The following DCDC2 variants were observed in gnomAD, a reference collection of about 807,000 sequenced individuals.
DCDC2 encodes doublecortin domain containing 2.
Under a neutral mutation model 50.2 loss-of-function variants are expected in DCDC2, and 40 were observed. That is an observed-to-expected ratio of 0.80 (90% confidence interval 0.62 to 1.04). DCDC2 has a LOEUF of 1.04. Ranked by LOEUF, DCDC2 falls within the 50% of genes least tolerant of loss-of-function variation. DCDC2 has a pLI of 0.00. For missense variants in DCDC2, 570 were observed against 581.9 expected (o/e 0.98, Z 0.21); for synonymous variants, 234 against 210.6 (o/e 1.11, Z -0.96).
rs539157883 is a variant in DCDC2, at chr6:24,199,749, G to A, written c.1023+5253C>T. On this transcript the variant is annotated intron_variant, in intron 8 of 9. Transcript: ENST00000378454. ...GGAGCATGTTCTAACCCAATGCAAG[G>A]AAGCTAATAAGCTTGAAAAAAGGTT... is the stretch of plus-strand genomic sequence containing the variant. Among the ~76,000 whole-genome samples the A allele has an allele frequency of 3.3e-5, 5 of 152,242 alleles. No individual in the cohort carries two copies. In the South Asian group the frequency reaches 6.2e-4, roughly 19 times the overall value.
At chr6:24,222,135 A>T (rs893705599) in intron 7 of DCDC2, among the ~76,000 whole-genome samples, 2 of 152,210 alleles carry the variant, frequency 1.3e-5, no homozygotes, top group Non-Finnish European at 2.9e-5. Flanking sequence ...TCTTTACAAT[A>T]AATCACAACT....
chr6:24,289,968 CTTCTTTTTTTTTTT>C (rs1561760469), intron 5 of DCDC2, among the ~76,000 whole-genome samples: 8 of 100,824 alleles, frequency 7.9e-5, no homozygotes, highest in African/African-American at 2.6e-4. Flanking sequence ...GGCCAGAGCT[CTTCTTTTTTTTTTT>C]TTTTTTTTTT....
chr6:24,212,376 A>G (rs1761892159), intron 7 of DCDC2, among the ~76,000 whole-genome samples: 1 of 152,130 alleles, frequency 6.6e-6, no homozygotes, highest in Non-Finnish European at 1.5e-5. Context: ...TCCTCCTGCC[A>G]AAAAGACAGT....
rs1760507353 is a variant in DCDC2, at chr6:24,357,812, A to G, written c.-62T>C. The G allele has an allele frequency of 6.2e-7, 1 of 1,607,834 alleles. No individual in the cohort carries two copies. Among genetic ancestry groups the G allele is most frequent in the South Asian group, 1.1e-5 (1 of 90,714 alleles). ...CGTCGGGAGGCACCTCCGCTGTCCCAGCGGCCTCACCGCACCCAGGGCGCG... is the reference window on the plus strand; with the variant it reads ...CGTCGGGAGGCACCTCCGCTGTCCCGGCGGCCTCACCGCACCCAGGGCGCG... On this transcript the variant is annotated 5_prime_UTR_variant, in exon 1 of 10. Transcript: ENST00000378454.
intron 7 of DCDC2, among the ~76,000 whole-genome samples, chr6:24,211,020 G>C (rs188619970): frequency 9.9e-5 from 15 of 152,250 alleles, no homozygotes; most frequent in Middle Eastern, 3.4e-3. Flanking sequence ...AACCCTCCTT[G>C]TTCCAATTCC....
intron 7 of DCDC2, among the ~76,000 whole-genome samples, chr6:24,266,017 C>A (rs1023337795): frequency 2.6e-5 from 4 of 151,674 alleles, no homozygotes; most frequent in Non-Finnish European, 5.9e-5. Context: ...TGCAACAGAA[C>A]AGAGAACCCA....
intron 8 of DCDC2, among the ~76,000 whole-genome samples, chr6:24,186,827 A>G (rs879886022): frequency 5.3e-5 from 8 of 152,146 alleles, no homozygotes; most frequent in Non-Finnish European, 1.0e-4. Flanking sequence ...TATTATGTCG[A>G]AGTCTTAACC....
At chr6:24,222,339 A>C (rs1367713463) in intron 7 of DCDC2, among the ~76,000 whole-genome samples, 1 of 152,224 alleles carries the variant, frequency 6.6e-6, no homozygotes, top group African/African-American at 2.4e-5. Flanking sequence ...TTTACCTGTG[A>C]GCTTTTCTTT....
chr6:24,345,925 A>G (rs1760245573), intron 2 of DCDC2, among the ~76,000 whole-genome samples: 1 of 152,154 alleles, frequency 6.6e-6, no homozygotes, highest in Non-Finnish European at 1.5e-5. Context: ...CACACCTGTA[A>G]TCCCAGCACT....
chr6:24,308,063 C>A (rs1333734307), intron 2 of DCDC2, among the ~76,000 whole-genome samples: 1 of 152,162 alleles, frequency 6.6e-6, no homozygotes, highest in East Asian at 1.9e-4. Flanking sequence ...CCAAGGAAAC[C>A]CAGATGCAGA....
intron 7 of DCDC2, among the ~76,000 whole-genome samples, chr6:24,251,837 T>C (rs565924034): frequency 6.6e-6 from 1 of 152,348 alleles, no homozygotes; most frequent in South Asian, 2.1e-4. Flanking sequence ...ACTGGACTCT[T>C]TCCAATTATA....
chr6:24,324,492 G>A (rs919308763), intron 2 of DCDC2, among the ~76,000 whole-genome samples: 1 of 152,148 alleles, frequency 6.6e-6, no homozygotes, highest in African/African-American at 2.4e-5. Flanking sequence ...ATATTTGTTA[G>A]CAAGAAAATC....
rs988316765 is a variant in DCDC2, at chr6:24,174,097, G to C, written c.*633C>G. 1.3e-5 allele frequency: 2 copies of C among 152,228 alleles called. No individual in the cohort carries two copies. The highest frequency in any genetic ancestry group is 4.8e-5 in the African/African-American group (2 of 41,444). The allele number at this position is 152,228 out of a possible 1,614,324, so 9.4% of individuals were successfully genotyped here. On this transcript the variant is annotated 3_prime_UTR_variant, in exon 10 of 10. Coordinates refer to ENST00000378454, the MANE Select transcript of DCDC2 (RefSeq NM_016356.5). ...AGCATGCAAGCCTGAAAGCATTTAA[G>C]TGACGGCATGGCGATACTAGTCACT...
intron 4 of DCDC2, among the ~76,000 whole-genome samples, chr6:24,300,366 A>T (rs1759346364): frequency 6.6e-6 from 1 of 152,248 alleles, no homozygotes; most frequent in African/African-American, 2.4e-5. Flanking sequence ...TGGGTGACAC[A>T]GCGAGACCCT....
intron 1 of DCDC2, among the ~76,000 whole-genome samples, chr6:24,356,110 A>G (rs1760462561): frequency 6.6e-6 from 1 of 152,228 alleles, no homozygotes; most frequent in South Asian, 2.1e-4. Flanking sequence ...AAATATTCAT[A>G]GATGCATTAT....
At chr6:24,321,446 G>C (rs1334279593) in intron 2 of DCDC2, among the ~76,000 whole-genome samples, 1 of 152,156 alleles carries the variant, frequency 6.6e-6, no homozygotes. Context: ...AGTCTCACCA[G>C]TAATATGACA....
intron 8 of DCDC2, among the ~76,000 whole-genome samples, chr6:24,197,372 TAAGGCTATG>T (rs1761468180): frequency 6.6e-6 from 1 of 152,244 alleles, no homozygotes; most frequent in African/African-American, 2.4e-5. Flanking sequence ...CCTTTGCTAA[TAAGGCTATG>T]ATTTTCTCTT....
intron 8 of DCDC2, among the ~76,000 whole-genome samples, chr6:24,180,902 A>G (rs1761057159): frequency 6.6e-6 from 1 of 152,224 alleles, no homozygotes; most frequent in African/African-American, 2.4e-5. Context: ...TTTTAAGAAG[A>G]AAGAGTTGGA....
chr6:24,289,519 T>A lies in DCDC2; in HGVS notation c.705-613A>T, dbSNP rs1051117010. Reference sequence around the variant, plus strand: ...ATAAAAAAAATTCTTATTAATTGTATGAGAAAGGCCAACGTGAGTTACAGT... The same window carrying A: ...ATAAAAAAAATTCTTATTAATTGTAAGAGAAAGGCCAACGTGAGTTACAGT... On this transcript the variant is annotated intron_variant, in intron 5 of 9. Transcript: ENST00000378454. 2.3e-4 allele frequency among the ~76,000 whole-genome samples: 35 copies of A among 152,222 alleles called. 1 individual carries two copies. The highest frequency in any genetic ancestry group is 8.4e-4 in the African/African-American group (35 of 41,462).
Sources: allele counts gnomAD v4.1 joint callset (sites outside exome capture counted in the v4.1 genomes callset), GRCh38; gene constraint gnomAD v4.1.1; transcripts MANE v1.5; gene names NCBI Gene and HGNC (gene_info 2026-07-23, HGNC 2026-07-21).